PTH1R: variants seen among roughly 807,000 people sequenced by gnomAD.
The protein encoded by PTH1R is parathyroid hormone/parathyroid hormone-related peptide receptor.
In PTH1R, 32 loss-of-function variants were observed where a neutral mutation model predicts 70.7. The observed-to-expected ratio is 0.45, with a 90% CI of 0.34 to 0.61. The LOEUF is 0.61. PTH1R is among the 20% of genes least tolerant of loss of function. The pLI, the probability that PTH1R is intolerant of heterozygous loss-of-function variation, is 0.01. For synonymous variants in PTH1R, 329 were observed against 324.8 expected (o/e 1.01, Z -0.14); for missense variants, 626 against 792.5 (o/e 0.79, Z 2.52).
chr3:46,889,610 C>T (rs1304633962), intron 3 of PTH1R, among the ~76,000 whole-genome samples: 1 of 152,176 alleles, frequency 6.6e-6, no homozygotes, highest in Non-Finnish European at 1.5e-5. Flanking sequence ...AAGCTCCTTG[C>T]TGACCATGGG....
chr3:46,895,899 G>T (rs750859632), intron 5 of PTH1R, 30 bp downstream of exon 5: 8 of 1,607,832 alleles, frequency 5.0e-6, no homozygotes, highest in African/African-American at 2.7e-5. Flanking sequence ...CATCCAGCTG[G>T]CATGGGCTTG....
Position 46,893,740 on chromosome 3 carries a change from G to C in PTH1R, c.76-167G>C, listed in dbSNP as rs1055313697. 3.4e-4 allele frequency among the ~76,000 whole-genome samples: 52 copies of C among 152,218 alleles called. No homozygotes were observed. Among genetic ancestry groups the C allele is most frequent in the Non-Finnish European group, 1.5e-4 (10 of 68,040 alleles). ...CAGAGCCACAGCTTCCCATCTGTAA[G>C]GTGTGAGCTCCATAGAGCAGATTCC... On this transcript the variant is annotated intron_variant, in intron 3 of 15. Coordinates refer to ENST00000449590, the MANE Select transcript of PTH1R (RefSeq NM_000316.3). The surrounding 1 kb of genome is among the most constrained non-coding windows in gnomAD (Gnocchi z 5.2).
chr3:46,898,496 G>A (rs201658128), intron 8 of PTH1R, 24 bp downstream of exon 8: 2 of 1,612,268 alleles, frequency 1.2e-6, no homozygotes, highest in Non-Finnish European at 1.7e-6. Context: ...GGCGAGAGGC[G>A]GCGGGACATG....
At chr3:46,881,606 G>A (rs2030571406) in intron 2 of PTH1R, among the ~76,000 whole-genome samples, 1 of 152,216 alleles carries the variant, frequency 6.6e-6, no homozygotes. Flanking sequence ...GAGACGCTGG[G>A]CAGGGAGGGA....
intron 4 of PTH1R, among the ~76,000 whole-genome samples, chr3:46,894,586 C>T (rs1413353652): frequency 6.6e-6 from 1 of 152,098 alleles, no homozygotes; most frequent in Non-Finnish European, 1.5e-5. Context: ...TTGTGAAAGC[C>T]TGGAGGAGCC....
In PTH1R at chr3:46,882,182, G is replaced by A. The variant is rs2030627391; in HGVS notation, c.-49+1064G>A. The A allele has an allele frequency of 6.6e-6, 1 of 151,858 alleles. No homozygotes were observed. Among genetic ancestry groups the A allele is most frequent in the Admixed American group, 6.5e-5 (1 of 15,270 alleles). The allele number at this position is 151,858 out of a possible 1,614,324, so 9.4% of individuals were successfully genotyped here. A position where few individuals can be genotyped will look rare whatever the true frequency, so the allele number is the denominator to read the frequency against. On this transcript the variant is annotated intron_variant, in intron 2 of 15. Transcript: ENST00000449590. The surrounding 1 kb of genome is among the most constrained non-coding windows in gnomAD (Gnocchi z 4.3). ...ACACTCCCGCGTCGGCGGCTGCGGA[G>A]GGGGTGGGGGCGGGAGAGGCCCGGG... is the stretch of plus-strand genomic sequence containing the variant.
Position 46,903,315 on chromosome 3 carries a change from C to T in PTH1R, c.1441C>T (p.Leu481=). The T allele has an allele frequency of 6.2e-7, 1 of 1,613,606 alleles. No homozygotes were observed. The highest frequency in any genetic ancestry group is 8.5e-7 in the Non-Finnish European group (1 of 1,180,034). ...ATCTTGGAGCCGCTGGACACTGGCA[C>T]TGGACTTCAAGCGAAAGGCACGCAG... ...KKSWSRWTLA[L]DFKRKARSGS... Residue 481 remains leucine, a synonymous_variant, in exon 16 of 16, where the codon CTG becomes TTG. Transcript: ENST00000449590. The surrounding 1 kb of genome is among the most constrained non-coding windows in gnomAD (Gnocchi z 4.4).
At position 46,893,022 on chromosome 3, in the gene PTH1R, T is replaced by TGAG. The variant is rs1462367553; in HGVS notation, c.76-884_76-882dup. Among the ~76,000 whole-genome samples the TGAG allele has an allele frequency of 2.0e-5, 3 of 152,182 alleles. No homozygotes were observed. The highest frequency in any genetic ancestry group is 2.0e-4 in the Admixed American group (3 of 15,286). ...TGCTCCCAAGTCAGAGGACAGAGGCTGAGACCCCTCAGCAGCCACCTGCTC... is the reference window on the plus strand; with the variant it reads ...TGCTCCCAAGTCAGAGGACAGAGGCTGAGGAGACCCCTCAGCAGCCACCTGCTC... On this transcript the variant is annotated intron_variant, in intron 3 of 15. Coordinates refer to ENST00000449590, the MANE Select transcript of PTH1R (RefSeq NM_000316.3). This position sits in a 1 kb window ranked among gnomAD's most constrained non-coding sequence, Gnocchi z 5.2.
chr3:46,891,466 A>C lies in PTH1R; in HGVS notation c.76-2441A>C, dbSNP rs1477798063. Among the ~76,000 whole-genome samples, 1 of 152,236 alleles carries C rather than the reference A, an allele frequency of 6.6e-6. No individual in the cohort carries two copies. Among genetic ancestry groups the C allele is most frequent in the Admixed American group, 6.5e-5 (1 of 15,282 alleles). On this transcript the variant is annotated intron_variant, in intron 3 of 15. Transcript: ENST00000449590. The surrounding 1 kb of genome is among the most constrained non-coding windows in gnomAD (Gnocchi z 4.3). ...GGCTGGTCTGTCTGTTGGGAGGCCC[A>C]GGGAGTCAGCAAGTCTCTAAGGATG... is the stretch of plus-strand genomic sequence containing the variant.
chr3:46,898,584 C>T (rs2031909295), intron 8 of PTH1R, 78 bp from the exon 9 acceptor site: 6 of 1,600,626 alleles, frequency 3.7e-6, no homozygotes, highest in African/African-American at 1.3e-5. Flanking sequence ...TCCCTACCTA[C>T]GGCGCACAAC....
Position 46,883,821 on chromosome 3 carries a change from G to A in PTH1R, c.75+187G>A, listed in dbSNP as rs1398192265. Among the ~76,000 whole-genome samples the A allele has an allele frequency of 6.6e-6, 1 of 152,224 alleles. No individual in the cohort carries two copies. Among genetic ancestry groups the A allele is most frequent in the Non-Finnish European group, 1.5e-5 (1 of 68,036 alleles). ...TCTGGACTGTGGGTTCCAGCTGCCT[G>A]AAGCCTCCCTATTTCTGAAGCCTCG... On this transcript the variant is annotated intron_variant, in intron 3 of 15. Coordinates refer to ENST00000449590, the MANE Select transcript of PTH1R (RefSeq NM_000316.3). This position sits in a 1 kb window ranked among gnomAD's most constrained non-coding sequence, Gnocchi z 6.4.
intron 1 of PTH1R, among the ~76,000 whole-genome samples, 183 bp downstream of exon 1, chr3:46,878,026 A>T (rs1444827187): frequency 1.3e-5 from 2 of 152,246 alleles, no homozygotes; most frequent in Non-Finnish European, 2.9e-5. Context: ...CCATGAGGCC[A>T]GCAGGGACAG....
rs1290033699 is a variant in PTH1R at position 46,902,003 on chromosome 3, C to T, written c.1211+143C>T. The T allele has an allele frequency of 5.1e-6, 5 of 981,636 alleles. No individual in the cohort carries two copies. Among genetic ancestry groups the T allele is most frequent in the Non-Finnish European group, 7.8e-6 (5 of 641,616 alleles). 60.8% of individuals were successfully genotyped at this position (981,636 alleles called of 1,614,324 possible). On this transcript the variant is annotated intron_variant, in intron 13 of 15. Transcript: ENST00000449590. This position sits in a 1 kb window ranked among gnomAD's most constrained non-coding sequence, Gnocchi z 5.4. ...GCGTCTGACTCCCTGGCTGTCCTCA[C>T]CCACCTGGCCTGCCCAGCAGTGATG...
chr3:46,894,723 A>G (rs983612355), intron 4 of PTH1R, among the ~76,000 whole-genome samples: 1 of 152,092 alleles, frequency 6.6e-6, no homozygotes, highest in Non-Finnish European at 1.5e-5. Context: ...TTCTCATCCC[A>G]GTCCAGGCTG....
intron 3 of PTH1R, among the ~76,000 whole-genome samples, chr3:46,886,162 C>A (rs1344112433): frequency 6.6e-6 from 1 of 152,152 alleles, no homozygotes; most frequent in Non-Finnish European, 1.5e-5. Context: ...ATGCGTCCTC[C>A]TAAGGACCCC....
intron 3 of PTH1R, among the ~76,000 whole-genome samples, chr3:46,886,248 G>A (rs1242393031): frequency 6.6e-6 from 1 of 152,228 alleles, no homozygotes; most frequent in Non-Finnish European, 1.5e-5. Flanking sequence ...CCTTGAGTGT[G>A]AAGATGTGAC....
chr3:46,888,322 T>C (rs1274408574), intron 3 of PTH1R, among the ~76,000 whole-genome samples: 1 of 152,250 alleles, frequency 6.6e-6, no homozygotes, highest in Non-Finnish European at 1.5e-5. Flanking sequence ...TTAAACACAT[T>C]CACCTCAGCT....
Position 46,901,201 on chromosome 3 carries a change from T to C in PTH1R, c.1049+116T>C. 7.3e-7 allele frequency: 1 copy of C among 1,369,716 alleles called. No homozygotes were observed. Among genetic ancestry groups the C allele is most frequent in the Non-Finnish European group, 1.0e-6 (1 of 985,756 alleles). The allele number at this position is 1,369,716 out of a possible 1,614,324, so 84.8% of individuals were successfully genotyped here. On this transcript the variant is annotated intron_variant, in intron 11 of 15. Transcript: ENST00000449590. The surrounding 1 kb of genome is among the most constrained non-coding windows in gnomAD (Gnocchi z 7.3). The stretch of plus-strand genomic sequence containing the variant: ...GCCTCAAACGGCCCAGCCTCAGGAG[T>C]TCTCAGTCCAGCCTCAAGCCAGGAG...
rs2107065215 is a variant in PTH1R at position 46,902,831 on chromosome 3, G to T, written c.1395+41G>T. The T allele has an allele frequency of 6.2e-7, 1 of 1,611,594 alleles. No homozygotes were observed. Among genetic ancestry groups the T allele is most frequent in the African/African-American group, 1.3e-5 (1 of 74,986 alleles). ...TGTTGGCATAGGGCAGGGTGGGGCAGATACCCCAGAGGCTTCCTCAAGGCT... is the reference window on the plus strand; with the variant it reads ...TGTTGGCATAGGGCAGGGTGGGGCATATACCCCAGAGGCTTCCTCAAGGCT... On this transcript the variant is annotated intron_variant, in intron 15 of 15. Coordinates refer to ENST00000449590, the MANE Select transcript of PTH1R (RefSeq NM_000316.3). The surrounding 1 kb of genome is among the most constrained non-coding windows in gnomAD (Gnocchi z 5.4).
Sources: allele counts gnomAD v4.1 joint callset (sites outside exome capture counted in the v4.1 genomes callset), GRCh38; gene constraint gnomAD v4.1.1; non-coding constraint Gnocchi (gnomAD v3.1); transcripts MANE v1.5; gene names NCBI Gene and HGNC (gene_info 2026-07-23, HGNC 2026-07-21).